Variants in CALN1 observed in about 807,000 individuals in gnomAD.
CALN1 encodes the protein calcium-binding protein 8.
In CALN1, 17 loss-of-function variants were observed where a neutral mutation model predicts 30.6. The observed-to-expected ratio is 0.56, with a 90% CI of 0.38 to 0.83. The LOEUF is 0.83. Among genes scored for constraint, CALN1 ranks in the 40% least tolerant of loss-of-function variants. The pLI is 0.00. For synonymous variants in CALN1, 156 were observed against 131.4 expected (o/e 1.19, Z -1.28); for missense variants, 291 against 354.9 (o/e 0.82, Z 1.45).
intron 3 of CALN1, among the ~76,000 whole-genome samples, chr7:72,155,491 C>CAA (rs796507891): frequency 7.5e-4 from 78 of 103,990 alleles, no homozygotes; most frequent in African/African-American, 2.4e-3. Context: ...GACTCTGTCT[C>CAA]AAAAAAAAAA....
At chr7:72,058,392 A>G (rs901597872) in intron 4 of CALN1, among the ~76,000 whole-genome samples, 1 of 132,124 alleles carries the variant, frequency 7.6e-6, no homozygotes, top group Admixed American at 9.9e-5. Context: ...ATCTCGGCTC[A>G]CTGCAACCTC....
chr7:72,427,634 C>A (rs1169274644), intron 1 of CALN1, among the ~76,000 whole-genome samples: 1 of 151,894 alleles, frequency 6.6e-6, no homozygotes, highest in Non-Finnish European at 1.5e-5. Flanking sequence ...CATGCCACCA[C>A]ACATGGCAAT....
At chr7:72,477,227 AG>A in the CALN1 span, among the ~76,000 whole-genome samples, 11 of 143,226 alleles carry the variant, frequency 7.7e-5, no homozygotes, top group African/African-American at 3.2e-4. Flanking sequence ...AAGAAAGAAA[AG>A]GTGCATGCCC....
chr7:72,402,021 T>TG (rs1264184071), intron 2 of CALN1, among the ~76,000 whole-genome samples: 3 of 152,174 alleles, frequency 2.0e-5, no homozygotes, highest in African/African-American at 7.2e-5. Context: ...TGAGCTGGGA[T>TG]GGGGAGACCA....
intron 3 of CALN1, among the ~76,000 whole-genome samples, chr7:72,132,466 G>A (rs1389982484): frequency 1.3e-5 from 2 of 152,114 alleles, no homozygotes; most frequent in Non-Finnish European, 2.9e-5. Context: ...AGCCATTGGG[G>A]ACCATTTGAA....
intron 5 of CALN1, among the ~76,000 whole-genome samples, chr7:71,941,599 A>C (rs1273210712): frequency 6.6e-6 from 1 of 152,230 alleles, no homozygotes; most frequent in Non-Finnish European, 1.5e-5. Context: ...GCAAATGAAA[A>C]GCAACAATGG....
At chr7:72,486,239 C>T in the CALN1 span, among the ~76,000 whole-genome samples, 1 of 152,092 alleles carries the variant, frequency 6.6e-6, no homozygotes, top group Non-Finnish European at 1.5e-5. Flanking sequence ...ATGGGACCAC[C>T]GTTGTATATG....
intron 3 of CALN1, among the ~76,000 whole-genome samples, chr7:72,219,643 A>G (rs890284723): frequency 2.0e-5 from 3 of 151,574 alleles, no homozygotes; most frequent in Admixed American, 6.6e-5. Context: ...ATGCGCGCAC[A>G]CACACACACG....
In CALN1 at chr7:72,395,288, G is replaced by A. The variant is rs371924613; in HGVS notation, c.119+7963C>T. ...AAGAACTAGGCATGTCCCCGGGAGAGAAAATAAACACTTAATAGGTGGTTT... is the reference window on the plus strand; with the variant it reads ...AAGAACTAGGCATGTCCCCGGGAGAAAAAATAAACACTTAATAGGTGGTTT... On this transcript the variant is annotated intron_variant, in intron 2 of 6. Transcript: ENST00000395275. Among the ~76,000 whole-genome samples, 286 of 152,106 alleles carry A rather than the reference G, an allele frequency of 1.9e-3. 3 individuals are homozygous for A. The highest frequency in any genetic ancestry group is 6.2e-3 in the African/African-American group (257 of 41,460).
At chr7:71,965,410 C>A (rs1175661946) in intron 5 of CALN1, among the ~76,000 whole-genome samples, 2 of 152,100 alleles carry the variant, frequency 1.3e-5, no homozygotes, top group East Asian at 3.8e-4. Flanking sequence ...TAGTGTGAGT[C>A]CTAGAAAGAA....
intron 2 of CALN1, among the ~76,000 whole-genome samples, chr7:72,337,912 C>T (rs1329007811): frequency 6.6e-6 from 1 of 152,238 alleles, no homozygotes; most frequent in African/African-American, 2.4e-5. Context: ...AGACTGTCTG[C>T]AACCTGCCCA....
At chr7:72,163,106 A>G (rs1309234281) in intron 3 of CALN1, among the ~76,000 whole-genome samples, 1 of 152,206 alleles carries the variant, frequency 6.6e-6, no homozygotes, top group Non-Finnish European at 1.5e-5. Context: ...AAATCTTGTC[A>G]AATTACAGAG....
At chr7:72,293,077 T>C (rs1407128546) in intron 2 of CALN1, among the ~76,000 whole-genome samples, 2 of 152,162 alleles carry the variant, frequency 1.3e-5, no homozygotes, top group East Asian at 3.9e-4. Flanking sequence ...CCTTCCTTTC[T>C]TTCTAACTGA....
intron 5 of CALN1, among the ~76,000 whole-genome samples, chr7:71,984,393 G>A (rs753351281): frequency 1.3e-5 from 2 of 152,098 alleles, no homozygotes; most frequent in Non-Finnish European, 2.9e-5. Flanking sequence ...TGAAATAAAC[G>A]GTAATTTGAA....
intron 2 of CALN1, among the ~76,000 whole-genome samples, 186 bp from the exon 3 acceptor site, chr7:72,278,996 A>T (rs1183274672): frequency 6.6e-6 from 1 of 152,210 alleles, no homozygotes; most frequent in Non-Finnish European, 1.5e-5. Context: ...AAAGGAATTC[A>T]GGTTTTTCCC....
chr7:72,326,698 A>G (rs1234477504), intron 2 of CALN1, among the ~76,000 whole-genome samples: 1 of 152,234 alleles, frequency 6.6e-6, no homozygotes, highest in Non-Finnish European at 1.5e-5. Flanking sequence ...GAACAGCTCA[A>G]AAACCCTCTC....
At chr7:72,063,121 C>CA (rs933500799) in intron 4 of CALN1, among the ~76,000 whole-genome samples, 13 of 151,666 alleles carry the variant, frequency 8.6e-5, no homozygotes, top group East Asian at 1.9e-4. Flanking sequence ...AAAACCTGAT[C>CA]AAAAAAAAGG....
chr7:71,981,476 C>G (rs569488475), intron 5 of CALN1, among the ~76,000 whole-genome samples: 1 of 152,166 alleles, frequency 6.6e-6, no homozygotes, highest in East Asian at 1.9e-4. Flanking sequence ...AGTTTGAGAC[C>G]AGCATGGTGA....
intron 2 of CALN1, chr7:72,336,974 C>A (rs1050777183): frequency 1.0e-6 from 1 of 985,238 alleles, no homozygotes; most frequent in Non-Finnish European, 1.2e-6. Flanking sequence ...GCGATCTGGG[C>A]GCGTGCCTCC....
Sources: allele counts gnomAD v4.1 joint callset (sites outside exome capture counted in the v4.1 genomes callset), GRCh38; gene constraint gnomAD v4.1.1; transcripts MANE v1.5; gene names NCBI Gene and HGNC (gene_info 2026-07-23, HGNC 2026-07-21).